The following ITGA11 variants were observed in gnomAD, a reference collection of about 807,000 sequenced individuals.
ITGA11 encodes integrin alpha-11.
Under a neutral mutation model 141.9 loss-of-function variants are expected in ITGA11, and 97 were observed. That is an observed-to-expected ratio of 0.68 (90% CI 0.58 to 0.81). ITGA11 has a LOEUF of 0.81. Among genes scored for constraint, ITGA11 ranks in the 30% least tolerant of loss-of-function variants. The pLI is 0.00. For missense variants in ITGA11, 1,387 were observed against 1,559.2 expected (o/e 0.89, Z 1.86); for synonymous variants, 658 against 624.6 (o/e 1.05, Z -0.80).
chr15:68,378,377 G>T (rs576075826), intron 2 of ITGA11, among the ~76,000 whole-genome samples: 1 of 152,168 alleles, frequency 6.6e-6, no homozygotes. Flanking sequence ...GGGCATGGTG[G>T]CACATGTCTA....
intron 3 of ITGA11, among the ~76,000 whole-genome samples, chr15:68,366,972 C>T (rs115635357): frequency 0.011 from 1,715 of 152,154 alleles, 38 homozygotes; most frequent in African/African-American, 0.039. Context: ...CTGGAACGGC[C>T]GTAGGAAAAC....
In ITGA11 at chr15:68,342,676, G is replaced by T. The variant is rs1404918640; in HGVS notation, c.1132-3032C>A. Among the ~76,000 whole-genome samples the T allele has an allele frequency of 2.0e-5, 3 of 152,216 alleles. No homozygotes were observed. The East Asian group carries it at 5.8e-4, about 29-fold the overall frequency. ...CAAGCCAGGGTTGGACCACAGCCCC[G>T]GCAGTGAAGGCAGCATGGTCTAGGG... On this transcript the variant is annotated intron_variant, in intron 10 of 29. Transcript: ENST00000315757.
At chr15:68,408,567 T>TG (rs1273823664) in intron 1 of ITGA11, among the ~76,000 whole-genome samples, 1 of 151,996 alleles carries the variant, frequency 6.6e-6, no homozygotes, top group African/African-American at 2.4e-5. Context: ...GGAGTGCAAG[T>TG]GTGCCCTGCA....
intron 20 of ITGA11, among the ~76,000 whole-genome samples, chr15:68,317,758 G>A (rs1438421966): frequency 2.6e-5 from 4 of 152,178 alleles, no homozygotes; most frequent in African/African-American, 4.8e-5. Context: ...GTCATCACTC[G>A]TATGTGGCAG....
intron 10 of ITGA11, among the ~76,000 whole-genome samples, chr15:68,345,904 C>G (rs549007721): frequency 6.6e-6 from 1 of 152,244 alleles, no homozygotes; most frequent in Non-Finnish European, 1.5e-5. Context: ...AAATAGCCCC[C>G]AGTGCCCGGT....
Position 68,339,638 on chromosome 15 carries a change from C to G in ITGA11, c.1138G>C (p.Val380Leu). ...GFSSHVVEDGVLLGAVGAYDW... is the reference protein window; with the variant it reads ...GFSSHVVEDGLLLGAVGAYDW... ...TAGGCACCGACGGCTCCCAGCAGAA[C>G]CCCATCCTGGCATTGGGGAGGGGAC... The change falls in exon 11 of 30, where the codon GTT becomes CTT. Residue 380 changes from valine to leucine, a missense_variant. By Grantham distance (32) the Val-to-Leu change is conservative. Coordinates refer to ENST00000315757, the MANE Select transcript of ITGA11 (RefSeq NM_001004439.2). The G allele has an allele frequency of 6.2e-7, 1 of 1,613,976 alleles. No individual in the cohort carries two copies. The highest frequency in any genetic ancestry group is 8.5e-7 in the Non-Finnish European group (1 of 1,179,884).
chr15:68,332,312 G>GCTGCCCAGCCC, intron 13 of ITGA11, 26 bp downstream of exon 13: 1 of 1,589,398 alleles, frequency 6.3e-7, no homozygotes, highest in Non-Finnish European at 8.6e-7. Context: ...CACCTGAGAA[G>GCTGCCCAGCCC]CTGCCCAGCC....
intron 26 of ITGA11, among the ~76,000 whole-genome samples, chr15:68,310,147 A>C (rs568571262): frequency 1.3e-5 from 2 of 152,366 alleles, no homozygotes; most frequent in East Asian, 3.9e-4. Context: ...TGTCATCATC[A>C]TATCTATTTA....
chr15:68,345,068 G>A (rs1422359522), intron 10 of ITGA11, among the ~76,000 whole-genome samples: 1 of 151,996 alleles, frequency 6.6e-6, no homozygotes, highest in African/African-American at 2.4e-5. Context: ...CTCTGGAGGT[G>A]TGAATCCCTT....
chr15:68,364,421 G>C (rs1895349349), intron 4 of ITGA11, among the ~76,000 whole-genome samples: 1 of 152,158 alleles, frequency 6.6e-6, no homozygotes. Context: ...TCCCCTTTCT[G>C]GCTGTTCCTC....
chr15:68,391,775 G>A (rs1046002222), intron 2 of ITGA11, among the ~76,000 whole-genome samples: 3 of 152,194 alleles, frequency 2.0e-5, no homozygotes, highest in African/African-American at 7.2e-5. Context: ...TATTAATGTT[G>A]CCTCCCTAAC....
intron 20 of ITGA11, 105 bp downstream of exon 20, chr15:68,320,080 G>T: frequency 2.1e-6 from 2 of 954,644 alleles, no homozygotes; most frequent in Non-Finnish European, 1.6e-6. Flanking sequence ...ATGAGCCACT[G>T]CATCCAGCTT....
Position 68,354,423 on chromosome 15 carries a change from C to G in ITGA11, c.749+2728G>C, listed in dbSNP as rs1019805992. ...ACGTGCATATCTGATGATTACACTC[C>G]TGTACTCAAGAATCTGCAGTGGCCA... On this transcript the variant is annotated intron_variant, in intron 7 of 29. Coordinates refer to ENST00000315757, the MANE Select transcript of ITGA11 (RefSeq NM_001004439.2). 5.3e-5 allele frequency among the ~76,000 whole-genome samples: 8 copies of G among 152,288 alleles called. No homozygotes were observed. In the South Asian group the frequency reaches 1.7e-3, roughly 32 times the overall value.
At chr15:68,306,313 C>A (rs1039097744) in intron 28 of ITGA11, among the ~76,000 whole-genome samples, 2 of 133,204 alleles carry the variant, frequency 1.5e-5, no homozygotes, top group Non-Finnish European at 1.7e-5. Context: ...GAAGGGTTCT[C>A]TCTCTCTCTC....
chr15:68,392,623 T>G (rs1200025485), intron 2 of ITGA11, among the ~76,000 whole-genome samples: 1 of 152,184 alleles, frequency 6.6e-6, no homozygotes, highest in Non-Finnish European at 1.5e-5. Flanking sequence ...TATGATACAC[T>G]GGAAAATCTA....
chr15:68,348,813 GTACCTCCACCACA>G lies in ITGA11; in HGVS notation c.1131+4_1131+16del, dbSNP rs1894817862. 13 of 1,599,786 alleles carry G rather than the reference GTACCTCCACCACA, an allele frequency of 8.1e-6. No individual in the cohort carries two copies. The highest frequency in any genetic ancestry group is 1.0e-5 in the Non-Finnish European group (12 of 1,172,904). Reference sequence around the variant, plus strand: ...GAGACAGAGGCTGGGCTCTGTGCCCGTACCTCCACCACATACCTCCACCACGTGCGAGGAAAAG... The same window carrying G: ...GAGACAGAGGCTGGGCTCTGTGCCCGTACCTCCACCACGTGCGAGGAAAAG... On this transcript the variant is annotated splice_donor_5th_base_variant and intron_variant, in intron 10 of 29. Coordinates refer to ENST00000315757, the MANE Select transcript of ITGA11 (RefSeq NM_001004439.2).
intron 4 of ITGA11, 116 bp downstream of exon 4, chr15:68,364,591 G>C: frequency 1.2e-6 from 1 of 807,514 alleles, no homozygotes; most frequent in Admixed American, 2.0e-5. Flanking sequence ...TTGGTGGTTG[G>C]AGTGGGGGAG....
At chr15:68,362,654 G>GGATGGATGGATAAATGGATGGAA (rs1895282430) in intron 4 of ITGA11, among the ~76,000 whole-genome samples, 1 of 152,050 alleles carries the variant, frequency 6.6e-6, no homozygotes, top group Non-Finnish European at 1.5e-5. Context: ...GATGATGAAT[G>GGATGGATGGATAAATGGATGGAA]GATGGATGGA....
rs149149783 is a variant in ITGA11 at position 68,425,228 on chromosome 15, C to T, written c.52+6787G>A. ...ATGTGAGCAGGGCCGGTTTGATGAG[C>T]GCTTGGCCTGTACAGTGGCTGAGGG... is the stretch of plus-strand genomic sequence containing the variant. On this transcript the variant is annotated intron_variant, in intron 1 of 29. Coordinates refer to ENST00000315757, the MANE Select transcript of ITGA11 (RefSeq NM_001004439.2). Among the ~76,000 whole-genome samples the T allele has an allele frequency of 5.2e-3, 785 of 152,300 alleles. 6 individuals are homozygous for T. Among genetic ancestry groups the T allele is most frequent in the African/African-American group, 0.016 (676 of 41,562 alleles).
Sources: allele counts gnomAD v4.1 joint callset (sites outside exome capture counted in the v4.1 genomes callset), GRCh38; gene constraint gnomAD v4.1.1; transcripts MANE v1.5; gene names NCBI Gene and HGNC (gene_info 2026-07-23, HGNC 2026-07-21).